The following FBXL7 variants were observed in gnomAD, a reference collection of about 807,000 sequenced individuals.
FBXL7 encodes F-box and leucine rich repeat protein 7.
In FBXL7, 12 loss-of-function variants were observed where a neutral mutation model predicts 38.3. The observed-to-expected ratio is 0.31, with a 90% CI of 0.20 to 0.51. The LOEUF (loss-of-function observed/expected upper bound fraction) is 0.51, where lower values mean the gene tolerates loss of function less well. Ranked by LOEUF, FBXL7 falls within the 20% of genes least tolerant of loss-of-function variation. The pLI is 0.98. For synonymous variants in FBXL7, 297 were observed against 300.9 expected, an observed-to-expected ratio of 0.99 and a Z score of 0.13; for missense variants, 567 against 676.4, an observed-to-expected ratio of 0.84 and a Z score of 1.79.
Position 15,708,201 on chromosome 5 carries a change from C to G in FBXL7, c.127+92129C>G, listed in dbSNP as rs139329059. On this transcript the variant is annotated intron_variant, in intron 2 of 3. Coordinates refer to ENST00000504595, the MANE Select transcript of FBXL7 (RefSeq NM_012304.5). ...TGATTTTTATACAAAAAACATAAAT[C>G]TGGTTTCTGAAGATGAGTCACAGGG... 2.7e-3 allele frequency among the ~76,000 whole-genome samples: 410 copies of G among 152,248 alleles called. 2 individuals are homozygous for G. The highest frequency in any genetic ancestry group is 9.4e-3 in the African/African-American group (391 of 41,548).
intron 2 of FBXL7, among the ~76,000 whole-genome samples, chr5:15,832,309 A>G (rs191354460): frequency 1.7e-4 from 26 of 152,272 alleles, no homozygotes; most frequent in African/African-American, 5.8e-4. Context: ...ATATCATGAA[A>G]TATTATTTTG....
At chr5:15,749,465 A>C (rs2126683475) in intron 2 of FBXL7, among the ~76,000 whole-genome samples, 1 of 151,786 alleles carries the variant, frequency 6.6e-6, no homozygotes, top group South Asian at 2.1e-4. Context: ...TCTCTGTTAA[A>C]AAATACAAAA....
chr5:15,519,022 C>T (rs1475670690), intron 1 of FBXL7, among the ~76,000 whole-genome samples: 1 of 152,034 alleles, frequency 6.6e-6, no homozygotes, highest in Non-Finnish European at 1.5e-5. Context: ...GTTTAAGCAA[C>T]TTCAGAGCCA....
At chr5:15,569,854 G>A (rs951158475) in intron 1 of FBXL7, among the ~76,000 whole-genome samples, 5 of 152,164 alleles carry the variant, frequency 3.3e-5, no homozygotes, top group Non-Finnish European at 5.9e-5. Context: ...TAATCGTATG[G>A]TTTTTGTCGT....
intron 2 of FBXL7, among the ~76,000 whole-genome samples, chr5:15,868,480 A>G (rs1739814444): frequency 6.6e-6 from 1 of 152,236 alleles, no homozygotes; most frequent in Non-Finnish European, 1.5e-5. Context: ...CTTGGACTCA[A>G]CAGAACTGTG....
rs190147557 is a variant in FBXL7, at chr5:15,603,640, G to A, written c.38-12343G>A. 1.8e-4 allele frequency among the ~76,000 whole-genome samples: 28 copies of A among 152,350 alleles called. No individual in the cohort carries two copies. The East Asian group carries it at 5.2e-3, about 28-fold the overall frequency. ...TGCATCCTGGATCACTCCAGTTATA[G>A]ACATGGGTATTTTTCTCAGTGGCCC... On this transcript the variant is annotated intron_variant, in intron 1 of 3. Coordinates refer to ENST00000504595, the MANE Select transcript of FBXL7 (RefSeq NM_012304.5).
intron 1 of FBXL7, among the ~76,000 whole-genome samples, chr5:15,524,325 G>A (rs1413924933): frequency 2.6e-5 from 4 of 152,084 alleles, no homozygotes; most frequent in Non-Finnish European, 4.4e-5. Flanking sequence ...GGATTTTATC[G>A]TCCGTTTGTG....
intron 2 of FBXL7, among the ~76,000 whole-genome samples, chr5:15,634,695 T>C (rs1034715668): frequency 4.6e-5 from 7 of 152,316 alleles, no homozygotes; most frequent in African/African-American, 9.6e-5. Context: ...CAAATCTGTC[T>C]GACAGTTCGG....
At chr5:15,923,311 A>G (rs1561189906) in intron 2 of FBXL7, among the ~76,000 whole-genome samples, 5 of 152,208 alleles carry the variant, frequency 3.3e-5, no homozygotes, top group South Asian at 2.1e-4. Context: ...TCTGTGAACG[A>G]AATATACTAC....
intron 2 of FBXL7, among the ~76,000 whole-genome samples, chr5:15,727,475 T>C (rs991565366): frequency 6.6e-6 from 1 of 152,214 alleles, no homozygotes; most frequent in South Asian, 2.1e-4. Flanking sequence ...TTGCCAGATA[T>C]TGGATTCTTG....
At chr5:15,541,095 T>A (rs1737728432) in intron 1 of FBXL7, among the ~76,000 whole-genome samples, 1 of 151,906 alleles carries the variant, frequency 6.6e-6, no homozygotes, top group Non-Finnish European at 1.5e-5. Flanking sequence ...CATAGGAGTA[T>A]GTATATGCAT....
chr5:15,661,777 C>G (rs568578784), intron 2 of FBXL7, among the ~76,000 whole-genome samples: 6 of 152,158 alleles, frequency 3.9e-5, no homozygotes, highest in Admixed American at 3.9e-4. Flanking sequence ...TCAGAGCATA[C>G]AGTATTTGGA....
At chr5:15,621,933 C>G (rs906013930) in intron 2 of FBXL7, among the ~76,000 whole-genome samples, 3 of 151,990 alleles carry the variant, frequency 2.0e-5, no homozygotes, top group African/African-American at 7.3e-5. Context: ...AATGAAATCA[C>G]CATCTGTTTA....
intron 2 of FBXL7, among the ~76,000 whole-genome samples, chr5:15,873,542 A>G (rs76586980): frequency 1.3e-5 from 2 of 152,300 alleles, no homozygotes; most frequent in African/African-American, 4.8e-5. Flanking sequence ...AAGAAAATAG[A>G]GAAGAATCAA....
chr5:15,742,566 G>T (rs1389980725), intron 2 of FBXL7, among the ~76,000 whole-genome samples: 6 of 152,176 alleles, frequency 3.9e-5, no homozygotes, highest in Admixed American at 2.6e-4. Context: ...TGCTGTAGGT[G>T]ACCTATGCTG....
intron 2 of FBXL7, among the ~76,000 whole-genome samples, chr5:15,687,948 G>T (rs1743065618): frequency 6.6e-6 from 1 of 152,200 alleles, no homozygotes; most frequent in African/African-American, 2.4e-5. Flanking sequence ...TGGTGGCCAT[G>T]TTGCTTGTGA....
intron 1 of FBXL7, among the ~76,000 whole-genome samples, chr5:15,568,799 T>C (rs1360195146): frequency 6.6e-6 from 1 of 152,212 alleles, no homozygotes; most frequent in Non-Finnish European, 1.5e-5. Flanking sequence ...GTTTCAGTTT[T>C]CTACATATGG....
intron 2 of FBXL7, among the ~76,000 whole-genome samples, chr5:15,673,279 A>G (rs569838567): frequency 1.1e-3 from 172 of 152,094 alleles, no homozygotes; most frequent in Non-Finnish European, 1.9e-3. Context: ...TCACACTACT[A>G]CACTCCAGCC....
At chr5:15,555,524 G>A (rs946948393) in intron 1 of FBXL7, among the ~76,000 whole-genome samples, 4 of 152,222 alleles carry the variant, frequency 2.6e-5, no homozygotes, top group African/African-American at 9.6e-5. Flanking sequence ...TTGCCTGGCT[G>A]AAGGTGTATG....
Sources: gnomAD v4.1 joint callset for allele counts (sites outside exome capture counted in the v4.1 genomes callset) on GRCh38, gnomAD v4.1.1 for gene constraint, MANE v1.5 for transcripts, NCBI Gene and HGNC (gene_info 2026-07-23, HGNC 2026-07-21) for gene names.